The following AIF1L variants were observed in gnomAD, a reference collection of about 807,000 sequenced individuals.
The protein encoded by AIF1L is allograft inflammatory factor 1-like.
Under a neutral mutation model 20.7 loss-of-function variants are expected in AIF1L, and 12 were observed. That is an observed-to-expected ratio of 0.58 (90% confidence interval 0.37 to 0.94). AIF1L has a LOEUF of 0.94. Ranked by LOEUF, AIF1L falls within the 40% of genes least tolerant of loss-of-function variation. The pLI, the probability that AIF1L is intolerant of heterozygous loss-of-function variation, is 0.01. For missense variants in AIF1L, 173 were observed against 185.3 expected, an observed-to-expected ratio of 0.93 and a Z score of 0.39; for synonymous variants, 76 against 65.1, an observed-to-expected ratio of 1.17 and a Z score of -0.81.
intron 2 of AIF1L, among the ~76,000 whole-genome samples, chr9:131,109,962 C>A (rs1830838762): frequency 1.3e-5 from 2 of 152,172 alleles, no homozygotes; most frequent in African/African-American, 4.8e-5. Flanking sequence ...GTAATCCCAG[C>A]ACTTTGGGAG....
intron 5 of AIF1L, 81 bp downstream of exon 5, chr9:131,117,999 G>A (rs1415492411): frequency 4.8e-6 from 7 of 1,445,988 alleles, no homozygotes; most frequent in Non-Finnish European, 6.5e-6. Context: ...GGGCACCCCA[G>A]CCATTCCCCA....
At chr9:131,114,693 G>A in intron 4 of AIF1L, 75 bp downstream of exon 4, 1 of 1,576,698 alleles carries the variant, frequency 6.3e-7, no homozygotes, top group South Asian at 1.1e-5. Flanking sequence ...CTCTGTGCGG[G>A]TGAGGGGCAT....
chr9:131,096,749 C>T (rs2133367314), intron 1 of AIF1L, 53 bp from the exon 2 acceptor site: 2 of 1,493,384 alleles, frequency 1.3e-6, no homozygotes, highest in East Asian at 5.7e-5. Flanking sequence ...GGGACGGGGG[C>T]GCGTGGCCCG....
At chr9:131,116,843 G>T (rs1484000288) in intron 4 of AIF1L, among the ~76,000 whole-genome samples, 2 of 152,236 alleles carry the variant, frequency 1.3e-5, no homozygotes, top group Non-Finnish European at 2.9e-5. Flanking sequence ...TGCGTGTGCA[G>T]CCCTTTCCCC....
At chr9:131,097,331 C>A (rs1372286199) in intron 2 of AIF1L, among the ~76,000 whole-genome samples, 1 of 152,230 alleles carries the variant, frequency 6.6e-6, no homozygotes, top group Non-Finnish European at 1.5e-5. Context: ...ACGGTCCTCC[C>A]TCCTCATCCT....
rs1320266826 is a variant in AIF1L, at chr9:131,120,220, C to T, written c.366-15C>T. 6.2e-7 allele frequency: 1 copy of T among 1,606,840 alleles called. No individual in the cohort carries two copies. The highest frequency in any genetic ancestry group is 1.7e-5 in the Admixed American group (1 of 57,906). ...GTTTTTCTTTCTTTTTTTCTTTTCT[C>T]CATCTCCAAACCAGAGTCATGATGT... On this transcript the variant is annotated splice_polypyrimidine_tract_variant and intron_variant, in intron 5 of 5. Coordinates refer to ENST00000247291, the MANE Select transcript of AIF1L (RefSeq NM_031426.4).
At chr9:131,106,691 G>A (rs1433644562) in intron 2 of AIF1L, among the ~76,000 whole-genome samples, 1 of 152,110 alleles carries the variant, frequency 6.6e-6, no homozygotes, top group African/African-American at 2.4e-5. Context: ...GGCTGAGGTG[G>A]GAGGATTGTT....
chr9:131,115,314 G>A (rs1461357080), intron 4 of AIF1L, among the ~76,000 whole-genome samples: 1 of 151,950 alleles, frequency 6.6e-6, no homozygotes, highest in South Asian at 2.1e-4. Flanking sequence ...GCTGGGTGTG[G>A]TGGCGGGTGC....
Position 131,096,814 on chromosome 9 carries a change from T to A in AIF1L, c.44T>A (p.Phe15Tyr). 1 of 1,536,910 alleles carries A rather than the reference T, an allele frequency of 6.5e-7. No individual in the cohort carries two copies. Among genetic ancestry groups the A allele is most frequent in the Non-Finnish European group, 8.8e-7 (1 of 1,142,616 alleles). Residue 15 changes from phenylalanine (F) to tyrosine (Y), a missense_variant, in exon 2 of 6, where the codon TTC (phenylalanine) becomes TAC (tyrosine). Physicochemically the swap from Phe to Tyr is conservative, Grantham distance 22. Coordinates refer to ENST00000247291, the MANE Select transcript of AIF1L (RefSeq NM_031426.4). ...TTGTCTCCTCCAGGAGGGAAGGCGT[T>A]CGGCTTGCTCAAAGCCCGGCAGGAG... ...LSNRFQGGKA[F>Y]GLLKARQERR...
intron 5 of AIF1L, 75 bp downstream of exon 5, chr9:131,117,993 A>C (rs1588112885): frequency 8.2e-5 from 119 of 1,456,568 alleles, no homozygotes; most frequent in African/African-American, 1.4e-5. Flanking sequence ...GGCTCTGGGC[A>C]CCCCAGCCAT....
At chr9:131,114,475 G>C (rs1426165113) in intron 3 of AIF1L, 102 bp from the exon 4 acceptor site, 4 of 1,361,566 alleles carry the variant, frequency 2.9e-6, no homozygotes, top group Non-Finnish European at 4.2e-6. Context: ...AGGTGGTTCA[G>C]ACTCCTGAGG....
intron 2 of AIF1L, chr9:131,102,775 C>T (rs1476099900): frequency 2.5e-6 from 1 of 400,406 alleles, no homozygotes; most frequent in Non-Finnish European, 5.0e-6. Flanking sequence ...GTGGCCTGGC[C>T]CTGGCCCTTT....
chr9:131,114,599 G>A lies in AIF1L; in HGVS notation c.183G>A (p.Leu61=). The change falls in exon 4 of 6, where the codon CTG becomes CTA. Residue 61 remains leucine (L), a synonymous_variant. Coordinates refer to ENST00000247291, the MANE Select transcript of AIF1L (RefSeq NM_031426.4). ...CAGAGAAGTACATGGAGTTTGACCT[G>A]AACAATGAAGGCGAGATTGGTGAGT... ...AFKEKYMEFD[L]NNEGEIDLMS... is the part of the protein sequence containing the mutation. The A allele has an allele frequency of 1.2e-6, 2 of 1,614,106 alleles. No individual in the cohort carries two copies. Among genetic ancestry groups the A allele is most frequent in the South Asian group, 2.2e-5 (2 of 91,060 alleles).
At chr9:131,114,413 C>A in intron 3 of AIF1L, 164 bp from the exon 4 acceptor site, 1 of 713,498 alleles carries the variant, frequency 1.4e-6, no homozygotes, top group Admixed American at 2.1e-5. Context: ...TCCCCAGAGG[C>A]CATGGCTCAG....
At position 131,120,760 on chromosome 9, in the gene AIF1L, C is replaced by T. The variant is rs1026420296; in HGVS notation, c.*438C>T. 9.1e-6 allele frequency: 3 copies of T among 329,536 alleles called. No individual in the cohort carries two copies. The highest frequency in any genetic ancestry group is 1.7e-5 in the Non-Finnish European group (3 of 181,564). The allele number at this position is 329,536 out of a possible 1,614,324, so 20.4% of individuals were successfully genotyped here. ...AGACCTTGGAGTAGGGACAAGGCTG[C>T]AGGGCCTCTTTCGGGTTTCCTTGGA... On this transcript the variant is annotated 3_prime_UTR_variant, in exon 6 of 6. Coordinates refer to ENST00000247291, the MANE Select transcript of AIF1L (RefSeq NM_031426.4).
At chr9:131,110,745 G>T (rs914839906) in intron 2 of AIF1L, among the ~76,000 whole-genome samples, 1 of 151,336 alleles carries the variant, frequency 6.6e-6, no homozygotes, top group Non-Finnish European at 1.5e-5. Context: ...TCAGGTGATC[G>T]GCCCACCTTG....
intron 2 of AIF1L, chr9:131,106,358 G>A (rs1189999768): frequency 1.1e-6 from 1 of 937,908 alleles, no homozygotes; most frequent in Non-Finnish European, 1.7e-6. Context: ...TAGCCGGGGA[G>A]GCAGAGAGGG....
Position 131,096,644 on chromosome 9 carries a change from C to T in AIF1L, c.15C>T (p.Leu5=). 1 of 1,485,780 alleles carries T rather than the reference C, an allele frequency of 6.7e-7. No homozygotes were observed. The highest frequency in any genetic ancestry group is 8.9e-7 in the Non-Finnish European group (1 of 1,125,978). The allele number at this position is 1,485,780 out of a possible 1,614,324, so 92.0% of individuals were successfully genotyped here. The change falls in exon 1 of 6, where the codon CTC becomes CTT. Residue 5 remains leucine, a synonymous_variant. Coordinates refer to ENST00000247291, the MANE Select transcript of AIF1L (RefSeq NM_031426.4). MSGE[L]SNRFQGGKAF... is the part of the protein sequence containing the mutation. ...CCGCGCTCGCCATGTCGGGCGAGCT[C>T]AGCAACAGGTTCCAAGGTAGGCGCC...
In AIF1L at chr9:131,114,586, T is replaced by C. The variant is rs146896674; in HGVS notation, c.170T>C (p.Met57Thr). ...GCTCTGTGATTTCCAGAGAAGTACATGGAGTTTGACCTGAACAATGAAGGC... is the reference window on the plus strand; with the variant it reads ...GCTCTGTGATTTCCAGAGAAGTACACGGAGTTTGACCTGAACAATGAAGGC... Reference protein sequence around the residue: ...EKLTAFKEKYMEFDLNNEGEI... With the variant: ...EKLTAFKEKYTEFDLNNEGEI... The change falls in exon 4 of 6, where the codon ATG (methionine) becomes ACG (threonine). Residue 57 changes from methionine to threonine, a missense_variant. By Grantham distance (81) the Met-to-Thr change is moderately conservative. Coordinates refer to ENST00000247291, the MANE Select transcript of AIF1L (RefSeq NM_031426.4). 2.5e-3 allele frequency: 4,061 copies of C among 1,614,090 alleles called. 8 individuals carry two copies. The highest frequency in any genetic ancestry group is 3.0e-3 in the Non-Finnish European group (3,559 of 1,179,944).
Sources: gnomAD v4.1 joint callset for allele counts (sites outside exome capture counted in the v4.1 genomes callset) on GRCh38, gnomAD v4.1.1 for gene constraint, MANE v1.5 for transcripts, NCBI Gene and HGNC (gene_info 2026-07-23, HGNC 2026-07-21) for gene names.